Variants in LRFN2 observed in about 807,000 individuals in gnomAD.
The protein encoded by LRFN2 is leucine-rich repeat and fibronectin type-III domain-containing protein 2.
In LRFN2, 18 loss-of-function variants were observed where a neutral mutation model predicts 37.3. The observed-to-expected ratio is 0.48, with a 90% CI of 0.33 to 0.72. LRFN2 has a LOEUF of 0.72. LRFN2 is among the 30% of genes least tolerant of loss of function. The pLI, the probability that LRFN2 is intolerant of heterozygous loss-of-function variation, is 0.02. For synonymous variants in LRFN2, 556 were observed against 466.6 expected, an observed-to-expected ratio of 1.19 and a Z score of -2.47; for missense variants, 1,006 against 1,060.7, an observed-to-expected ratio of 0.95 and a Z score of 0.72.
At chr6:40,489,273 T>G (rs893406451) in intron 1 of LRFN2, among the ~76,000 whole-genome samples, 3 of 152,208 alleles carry the variant, frequency 2.0e-5, no homozygotes, top group Non-Finnish European at 2.9e-5. Context: ...AGCACCCTGT[T>G]CTTCTAAGCA....
At chr6:40,407,046 C>T (rs977400915) in intron 2 of LRFN2, among the ~76,000 whole-genome samples, 24 of 152,188 alleles carry the variant, frequency 1.6e-4, no homozygotes, top group Admixed American at 3.9e-4. Flanking sequence ...TCACACTGAG[C>T]AGACTGTCAA....
chr6:40,526,237 C>G (rs1766251853), intron 1 of LRFN2, among the ~76,000 whole-genome samples: 1 of 152,230 alleles, frequency 6.6e-6, no homozygotes, highest in Admixed American at 6.5e-5. Context: ...CGCAGCTAGT[C>G]ACAACACTAC....
chr6:40,536,902 G>C lies in LRFN2; in HGVS notation c.-19+50039C>G, dbSNP rs189118763. ...TTCATCTAAAGGTGCCATTTGTCAA[G>C]TGCTTTCCATGTACCAGTCACTGTT... On this transcript the variant is annotated intron_variant, in intron 1 of 2. Transcript: ENST00000338305. Among the ~76,000 whole-genome samples, 10 of 152,326 alleles carry C rather than the reference G, an allele frequency of 6.6e-5. No individual in the cohort carries two copies. In the East Asian group the frequency reaches 1.9e-3, roughly 29 times the overall value.
At chr6:40,524,582 C>T (rs536651470) in intron 1 of LRFN2, among the ~76,000 whole-genome samples, 12 of 152,262 alleles carry the variant, frequency 7.9e-5, no homozygotes, top group South Asian at 6.2e-4. Flanking sequence ...GGCAGGGGGC[C>T]GAGGCGCTCC....
rs558168365 is a variant in LRFN2, at chr6:40,465,164, G to A, written c.-18-32033C>T. Among the ~76,000 whole-genome samples, 3 of 152,216 alleles carry A rather than the reference G, an allele frequency of 2.0e-5. No homozygotes were observed. The East Asian group carries it at 5.8e-4, about 29-fold the overall frequency. On this transcript the variant is annotated intron_variant, in intron 1 of 2. Coordinates refer to ENST00000338305, the MANE Select transcript of LRFN2 (RefSeq NM_020737.3). ...CTGGCTTTGAGGGATGGGGTCATAA[G>A]CTAAGGAGTGTGGGCAGCCTCTAGA...
At chr6:40,416,305 G>A (rs1269778823) in intron 2 of LRFN2, among the ~76,000 whole-genome samples, 8 of 152,296 alleles carry the variant, frequency 5.3e-5, no homozygotes, top group Admixed American at 1.3e-4. Context: ...CACCATGTCC[G>A]GCCAATGAGG....
intron 1 of LRFN2, among the ~76,000 whole-genome samples, chr6:40,508,240 G>T (rs1347851399): frequency 6.6e-5 from 10 of 152,172 alleles, no homozygotes; most frequent in African/African-American, 2.4e-5. Flanking sequence ...TAGTTTTTCT[G>T]CCCAGGACAT....
At chr6:40,400,421 CTTTTTTT>C (rs34460828) in intron 2 of LRFN2, among the ~76,000 whole-genome samples, 1 of 128,682 alleles carries the variant, frequency 7.8e-6, no homozygotes, top group Admixed American at 8.2e-5. Flanking sequence ...GGTACTTTTC[CTTTTTTT>C]TTTTTTTTTT....
In LRFN2 at chr6:40,392,105, C is replaced by T. The variant is rs776062464; in HGVS notation, c.2208G>A (p.Gly736=). Residue 736 remains glycine, a synonymous_variant, in exon 3 of 3, where the codon GGG becomes GGA. Coordinates refer to ENST00000338305, the MANE Select transcript of LRFN2 (RefSeq NM_020737.3). This position sits in a 1 kb window ranked among gnomAD's most constrained non-coding sequence, Gnocchi z 4.7. ...MGDFAAAAAG[G]VVPGGYSPPR... is the part of the protein sequence containing the mutation. ...GAGGACTGTAGCCGCCCGGCACGAC[C>T]CCTCCCGCCGCCGCAGCAGCAAAGT... 10 of 1,613,384 alleles carry T rather than the reference C, an allele frequency of 6.2e-6. No individual in the cohort carries two copies. The South Asian group carries it at 9.9e-5, about 16-fold the overall frequency.
chr6:40,486,122 C>T (rs1581742103), intron 1 of LRFN2, among the ~76,000 whole-genome samples: 1 of 152,168 alleles, frequency 6.6e-6, no homozygotes, highest in Non-Finnish European at 1.5e-5. Context: ...CATTTTTTGG[C>T]CCTTCTGGCC....
intron 2 of LRFN2, among the ~76,000 whole-genome samples, chr6:40,405,800 A>T (rs1762833009): frequency 6.6e-6 from 1 of 152,184 alleles, no homozygotes; most frequent in African/African-American, 2.4e-5. Context: ...GCAATGGCAG[A>T]GATGACAGGA....
At chr6:40,570,666 C>T (rs1767171922) in intron 1 of LRFN2, among the ~76,000 whole-genome samples, 1 of 152,156 alleles carries the variant, frequency 6.6e-6, no homozygotes, top group South Asian at 2.1e-4. Context: ...CAGCAAGGGG[C>T]CAAACTTTAG....
intron 1 of LRFN2, among the ~76,000 whole-genome samples, chr6:40,561,709 T>C (rs1412933659): frequency 6.6e-6 from 1 of 152,188 alleles, no homozygotes; most frequent in Non-Finnish European, 1.5e-5. Flanking sequence ...GGCACAGCCT[T>C]TTTAGATACT....
intron 1 of LRFN2, among the ~76,000 whole-genome samples, chr6:40,519,061 C>G (rs1765970857): frequency 6.6e-6 from 1 of 152,110 alleles, no homozygotes; most frequent in Non-Finnish European, 1.5e-5. Context: ...GGAGAACCAC[C>G]CCTTCTGCAG....
intron 1 of LRFN2, among the ~76,000 whole-genome samples, chr6:40,477,552 C>A (rs1764736395): frequency 6.6e-6 from 1 of 152,180 alleles, no homozygotes. Context: ...GGGCAGGGGT[C>A]AAATGAGGCT....
chr6:40,426,680 A>T (rs187180466), intron 2 of LRFN2, among the ~76,000 whole-genome samples: 1 of 152,148 alleles, frequency 6.6e-6, no homozygotes, highest in Non-Finnish European at 1.5e-5. Flanking sequence ...CCTCTTTTCC[A>T]CCCACAAATA....
chr6:40,512,146 G>T (rs1195555187), intron 1 of LRFN2, among the ~76,000 whole-genome samples: 1 of 152,160 alleles, frequency 6.6e-6, no homozygotes, highest in Admixed American at 6.5e-5. Flanking sequence ...ACCCCCTTAA[G>T]GAGAACTGAC....
At chr6:40,403,505 C>T (rs972310337) in intron 2 of LRFN2, among the ~76,000 whole-genome samples, 3 of 152,186 alleles carry the variant, frequency 2.0e-5, no homozygotes, top group African/African-American at 7.2e-5. Context: ...CACAAATGCC[C>T]TGAGGCACCC....
chr6:40,563,244 C>T (rs1200924308), intron 1 of LRFN2, among the ~76,000 whole-genome samples: 2 of 152,152 alleles, frequency 1.3e-5, no homozygotes, highest in African/African-American at 4.8e-5. Context: ...TGCATCCGCT[C>T]AGTTGCTCCG....
Sources: allele counts gnomAD v4.1 joint callset (sites outside exome capture counted in the v4.1 genomes callset), GRCh38; gene constraint gnomAD v4.1.1; non-coding constraint Gnocchi (gnomAD v3.1); transcripts MANE v1.5; gene names NCBI Gene and HGNC (gene_info 2026-07-23, HGNC 2026-07-21).